Variants in GAS7 observed in about 807,000 individuals in gnomAD.
GAS7 encodes the protein growth arrest specific 7, also known as growth arrest-specific protein 7.
Under a neutral mutation model 71.1 loss-of-function variants are expected in GAS7, and 28 were observed. The ratio of observed to expected loss-of-function variants is 0.39; its 90% CI spans 0.29 to 0.54. The LOEUF is 0.54. Among genes scored for constraint, GAS7 ranks in the 20% least tolerant of loss-of-function variants. The pLI is 0.62. For missense variants in GAS7, 436 were observed against 627.8 expected (o/e 0.69, Z 3.27); for synonymous variants, 258 against 245.8 (o/e 1.05, Z -0.46).
chr17:10,142,226 AAC>A (rs1555536667), intron 1 of GAS7, among the ~76,000 whole-genome samples: 1 of 151,836 alleles, frequency 6.6e-6, no homozygotes, highest in African/African-American at 2.4e-5. Context: ...AAAAAAAAAA[AAC>A]AAAAAAAGGT....
At chr17:9,972,767 C>T (rs1220158229) in intron 3 of GAS7, among the ~76,000 whole-genome samples, 1 of 151,988 alleles carries the variant, frequency 6.6e-6, no homozygotes. Flanking sequence ...ATACAAGATC[C>T]CCATCCCCCC....
intron 5 of GAS7, among the ~76,000 whole-genome samples, chr17:9,947,833 CA>C (rs10618544): frequency 0.014 from 1,334 of 95,798 alleles, 54 homozygotes; most frequent in Admixed American, 0.1. Context: ...AGGTTAAAAA[CA>C]AAAAAAAAAA....
At chr17:10,174,541 A>C (rs2074358025) in intron 1 of GAS7, among the ~76,000 whole-genome samples, 1 of 152,010 alleles carries the variant, frequency 6.6e-6, no homozygotes, top group Non-Finnish European at 1.5e-5. Flanking sequence ...AAATACAAAA[A>C]ATTAGCCGGG....
chr17:10,040,693 T>C (rs2072846935), intron 1 of GAS7, among the ~76,000 whole-genome samples: 1 of 151,490 alleles, frequency 6.6e-6, no homozygotes, highest in African/African-American at 2.4e-5. Flanking sequence ...GAGCATCACA[T>C]CCAGCGGTGG....
intron 1 of GAS7, among the ~76,000 whole-genome samples, chr17:10,053,666 C>T (rs533155443): frequency 2.0e-5 from 3 of 152,202 alleles, no homozygotes; most frequent in South Asian, 4.1e-4. Flanking sequence ...CTAGAAAAAA[C>T]GGGACTGAGA....
At chr17:10,032,156 T>C (rs1001647991) in intron 1 of GAS7, among the ~76,000 whole-genome samples, 1 of 149,270 alleles carries the variant, frequency 6.7e-6, no homozygotes, top group African/African-American at 2.5e-5. Context: ...CATTTCAAGG[T>C]CTCTCTGGTC....
chr17:10,062,712 C>T (rs1243656078), intron 1 of GAS7, among the ~76,000 whole-genome samples: 1 of 152,212 alleles, frequency 6.6e-6, no homozygotes, highest in African/African-American at 2.4e-5. Context: ...TGGTGGGTTG[C>T]TTTTTGGTCT....
intron 9 of GAS7, among the ~76,000 whole-genome samples, chr17:9,929,959 C>T (rs1650375814): frequency 1.3e-5 from 2 of 152,176 alleles, no homozygotes; most frequent in Admixed American, 1.3e-4. Flanking sequence ...TTCCAAAACT[C>T]TCGCTCTCTT....
intron 2 of GAS7, among the ~76,000 whole-genome samples, chr17:10,004,887 G>A (rs944288007): frequency 1.3e-5 from 2 of 152,134 alleles, no homozygotes; most frequent in African/African-American, 4.8e-5. Flanking sequence ...GCGCATGCCT[G>A]TAATCCCAAC....
At chr17:9,972,585 C>A (rs1287950941) in intron 3 of GAS7, among the ~76,000 whole-genome samples, 2 of 151,898 alleles carry the variant, frequency 1.3e-5, no homozygotes, top group African/African-American at 4.8e-5. Context: ...AACATCATAT[C>A]CTACAAACAA....
intron 1 of GAS7, among the ~76,000 whole-genome samples, chr17:10,174,211 T>C (rs1479367186): frequency 2.0e-5 from 3 of 152,192 alleles, no homozygotes; most frequent in African/African-American, 7.2e-5. Context: ...TGTGGCTCAA[T>C]TCACCCAGTG....
Position 10,191,144 on chromosome 17 carries a change from C to G in GAS7, c.183+7064G>C, listed in dbSNP as rs186128953. Among the ~76,000 whole-genome samples the G allele has an allele frequency of 3.1e-3, 453 of 147,706 alleles. 1 individual carries two copies. The highest frequency in any genetic ancestry group is 5.8e-3 in the Admixed American group (85 of 14,598). On this transcript the variant is annotated intron_variant, in intron 1 of 13. Coordinates refer to ENST00000432992, the MANE Select transcript of GAS7 (RefSeq NM_201433.2). ...GAGCCGAGATCACGCCATTGTACTC[C>G]AGCCTGGGCAACGAGAGCGGAACTC...
Position 9,916,535 on chromosome 17 carries a change from G to A in GAS7, c.*693C>T, listed in dbSNP as rs1023627894. On this transcript the variant is annotated 3_prime_UTR_variant, in exon 14 of 14. Transcript: ENST00000432992. ...TTCCAGAGGAGACTTTACAGATGGC[G>A]CCTGATCTCATGGGACACGATTCAG... The A allele has an allele frequency of 5.5e-5, 13 of 238,220 alleles. No individual in the cohort carries two copies. Among genetic ancestry groups the A allele is most frequent in the Non-Finnish European group, 1.1e-4 (13 of 121,474 alleles). 14.8% of individuals were successfully genotyped at this position (238,220 alleles called of 1,614,324 possible). A position where few individuals can be genotyped will look rare whatever the true frequency, so the allele number is the denominator to read the frequency against.
rs140411390 is a variant in GAS7 at position 10,077,111 on chromosome 17, T to C, written c.184-57214A>G. Reference sequence around the variant, plus strand: ...GTACACATAAAACTAATAAAATTTATATACTTTTCTCATGTTAATCTGCCT... The same window carrying C: ...GTACACATAAAACTAATAAAATTTACATACTTTTCTCATGTTAATCTGCCT... On this transcript the variant is annotated intron_variant, in intron 1 of 13. Coordinates refer to ENST00000432992, the MANE Select transcript of GAS7 (RefSeq NM_201433.2). Among the ~76,000 whole-genome samples, 275 of 152,334 alleles carry C rather than the reference T, an allele frequency of 1.8e-3. 3 individuals carry two copies. Among genetic ancestry groups the C allele is most frequent in the African/African-American group, 6.2e-3 (258 of 41,582 alleles).
intron 2 of GAS7, among the ~76,000 whole-genome samples, chr17:10,015,600 G>A (rs568479484): frequency 6.6e-6 from 1 of 152,170 alleles, no homozygotes; most frequent in Non-Finnish European, 1.5e-5. Context: ...AAGGCAGGCA[G>A]ATTAAAATAT....
chr17:10,003,249 G>A (rs983673199), intron 2 of GAS7, among the ~76,000 whole-genome samples: 15 of 152,186 alleles, frequency 9.9e-5, no homozygotes, highest in Non-Finnish European at 1.9e-4. Flanking sequence ...AGCAGAGACC[G>A]CAGGTGTCTG....
At chr17:9,939,640 C>T (rs1419070783) in intron 8 of GAS7, among the ~76,000 whole-genome samples, 1 of 151,216 alleles carries the variant, frequency 6.6e-6, no homozygotes, top group Non-Finnish European at 1.5e-5. Context: ...GACGGAGTCT[C>T]GCTCTGTCGC....
At chr17:10,172,328 A>G (rs1261426878) in intron 1 of GAS7, among the ~76,000 whole-genome samples, 1 of 152,168 alleles carries the variant, frequency 6.6e-6, no homozygotes, top group African/African-American at 2.4e-5. Flanking sequence ...CCTCTGCCGC[A>G]TGTCCGGCCC....
intron 1 of GAS7, among the ~76,000 whole-genome samples, chr17:10,064,459 C>T (rs557961978): frequency 6.6e-6 from 1 of 152,210 alleles, no homozygotes; most frequent in Admixed American, 6.5e-5. Flanking sequence ...TCTCAGCCCT[C>T]GAGGTTTCCG....
Sources: gnomAD v4.1 joint callset for allele counts (sites outside exome capture counted in the v4.1 genomes callset) on GRCh38, gnomAD v4.1.1 for gene constraint, MANE v1.5 for transcripts, NCBI Gene and HGNC (gene_info 2026-07-23, HGNC 2026-07-21) for gene names.